The following TMOD2 variants were observed in gnomAD, a reference collection of about 807,000 sequenced individuals.
TMOD2 encodes the protein tropomodulin 2, also known as tropomodulin-2.
Under a neutral mutation model 39.9 loss-of-function variants are expected in TMOD2, and 22 were observed. The ratio of observed to expected loss-of-function variants is 0.55; its 90% confidence interval spans 0.39 to 0.79. The LOEUF is 0.79. Among genes scored for constraint, TMOD2 ranks in the 30% least tolerant of loss-of-function variants. TMOD2 has a pLI of 0.00. For missense variants in TMOD2, 386 were observed against 413.3 expected, an observed-to-expected ratio of 0.93 and a Z score of 0.57; for synonymous variants, 123 against 146.1, an observed-to-expected ratio of 0.84 and a Z score of 1.14.
intron 6 of TMOD2, among the ~76,000 whole-genome samples, chr15:51,781,819 A>T (rs1298394017): frequency 1.6e-5 from 2 of 123,198 alleles, no homozygotes; most frequent in Non-Finnish European, 3.6e-5. Context: ...AGAGAGAGAG[A>T]GAGAGTGTGT....
chr15:51,755,332 C>A (rs1232662132), intron 1 of TMOD2, among the ~76,000 whole-genome samples: 2 of 152,220 alleles, frequency 1.3e-5, no homozygotes, highest in African/African-American at 2.4e-5. Flanking sequence ...TGATTTCTTG[C>A]TATTTCTGCT....
chr15:51,798,356 G>A lies in TMOD2; in HGVS notation c.876+16G>A. On this transcript the variant is annotated intron_variant, in intron 8 of 9. Transcript: ENST00000249700. The stretch of plus-strand genomic sequence containing the variant: ...TGACAACCAGGTAAGGAAGGCCAGA[G>A]AATAGGCAAAGTCAACTCACAGGGT... The A allele has an allele frequency of 6.2e-7, 1 of 1,612,668 alleles. No individual in the cohort carries two copies.
At chr15:51,788,610 G>A (rs1417656426) in intron 7 of TMOD2, among the ~76,000 whole-genome samples, 2 of 152,176 alleles carry the variant, frequency 1.3e-5, no homozygotes, top group African/African-American at 4.8e-5. Context: ...AAAATGTTAA[G>A]GGCAGCCAGA....
At chr15:51,803,168 CTTTTTTTTTTT>C (rs771354231) in intron 8 of TMOD2, among the ~76,000 whole-genome samples, 8 of 95,228 alleles carry the variant, frequency 8.4e-5, no homozygotes, top group African/African-American at 3.1e-4. Flanking sequence ...TCTATATCTT[CTTTTTTTTTTT>C]TTTTTTTTTT....
chr15:51,803,857 C>T (rs1170380110), intron 8 of TMOD2, among the ~76,000 whole-genome samples: 1 of 152,166 alleles, frequency 6.6e-6, no homozygotes, highest in African/African-American at 2.4e-5. Context: ...TAAGAAAATT[C>T]ATTGTTCTTA....
intron 1 of TMOD2, among the ~76,000 whole-genome samples, chr15:51,762,479 T>C (rs2055788041): frequency 6.6e-6 from 1 of 152,176 alleles, no homozygotes; most frequent in African/African-American, 2.4e-5. Flanking sequence ...TAATAATTTT[T>C]ACTTTATTGA....
intron 7 of TMOD2, among the ~76,000 whole-genome samples, chr15:51,786,298 G>T (rs376268779): frequency 2.0e-5 from 3 of 152,052 alleles, no homozygotes; most frequent in African/African-American, 4.8e-5. Context: ...ACTGTGCCTG[G>T]GTGATGTTTT....
At chr15:51,797,261 C>A (rs530178705) in intron 7 of TMOD2, among the ~76,000 whole-genome samples, 64 of 152,256 alleles carry the variant, frequency 4.2e-4, no homozygotes, top group African/African-American at 1.5e-3. Context: ...TGTCACAGGT[C>A]GCAGCACCTT....
intron 4 of TMOD2, among the ~76,000 whole-genome samples, chr15:51,776,369 C>T (rs1776430986): frequency 6.6e-6 from 1 of 152,194 alleles, no homozygotes; most frequent in South Asian, 2.1e-4. Flanking sequence ...TGTGCTGCCT[C>T]CTGGTGCAAG....
rs1051495520 is a variant in TMOD2, at chr15:51,814,051, A to T, written c.*5597A>T. On this transcript the variant is annotated 3_prime_UTR_variant, in exon 10 of 10. Transcript: ENST00000249700. Reference sequence around the variant, plus strand: ...AGTGGAAGTTAGATACCAGCGATGTATATGGTAGGACATTTTCCTGGGTCA... The same window carrying T: ...AGTGGAAGTTAGATACCAGCGATGTTTATGGTAGGACATTTTCCTGGGTCA... 4 of 152,204 alleles carry T rather than the reference A, an allele frequency of 2.6e-5. No individual in the cohort carries two copies. The highest frequency in any genetic ancestry group is 9.7e-5 in the African/African-American group (4 of 41,414). 9.4% of individuals were successfully genotyped at this position (152,204 alleles called of 1,614,324 possible).
chr15:51,798,527 A>G (rs186460138), intron 8 of TMOD2, among the ~76,000 whole-genome samples, 187 bp downstream of exon 8: 110 of 152,306 alleles, frequency 7.2e-4, no homozygotes, highest in African/African-American at 2.5e-3. Context: ...TTACTAATCA[A>G]ACAATGTACA....
chr15:51,790,136 A>G (rs924545815), intron 7 of TMOD2, among the ~76,000 whole-genome samples: 7 of 152,218 alleles, frequency 4.6e-5, no homozygotes, highest in African/African-American at 1.7e-4. Context: ...AAAAGAGAGA[A>G]GAATCAAATA....
intron 1 of TMOD2, among the ~76,000 whole-genome samples, chr15:51,753,064 CAAG>C (rs1238556178): frequency 6.6e-6 from 1 of 152,064 alleles, no homozygotes; most frequent in Admixed American, 6.5e-5. Context: ...GAAGCCCCAG[CAAG>C]AAGTAACCAG....
intron 1 of TMOD2, among the ~76,000 whole-genome samples, chr15:51,753,812 G>A (rs984081412): frequency 1.3e-5 from 2 of 151,684 alleles, no homozygotes; most frequent in Non-Finnish European, 1.5e-5. Flanking sequence ...CGTAGCAAAT[G>A]TGGCAGAATG....
intron 1 of TMOD2, among the ~76,000 whole-genome samples, chr15:51,762,941 A>G (rs1057479643): frequency 7.2e-5 from 11 of 151,820 alleles, no homozygotes; most frequent in Non-Finnish European, 1.3e-4. Context: ...GTTTATTTTT[A>G]TTTATTTATT....
At chr15:51,789,660 C>T (rs2055996189) in intron 7 of TMOD2, among the ~76,000 whole-genome samples, 2 of 152,210 alleles carry the variant, frequency 1.3e-5, no homozygotes, top group African/African-American at 2.4e-5. Flanking sequence ...AACAAACTGT[C>T]TCTCAGACCA....
At chr15:51,753,279 A>T (rs562513309) in intron 1 of TMOD2, among the ~76,000 whole-genome samples, 1 of 152,334 alleles carries the variant, frequency 6.6e-6, no homozygotes, top group East Asian at 1.9e-4. Flanking sequence ...TATTATTTCA[A>T]AGTATCTCAC....
chr15:51,782,980 A>T, intron 7 of TMOD2, 152 bp downstream of exon 7: 1 of 626,360 alleles, frequency 1.6e-6, no homozygotes, highest in Non-Finnish European at 2.8e-6. Flanking sequence ...GCAATAGTTA[A>T]ACTTCAGAAC....
At chr15:51,772,283 A>T (rs923871388) in intron 3 of TMOD2, among the ~76,000 whole-genome samples, 22 of 152,288 alleles carry the variant, frequency 1.4e-4, no homozygotes, top group Non-Finnish European at 2.6e-4. Flanking sequence ...AATTTCAAAG[A>T]CTGTGCCCCA....
Sources: allele counts gnomAD v4.1 joint callset (sites outside exome capture counted in the v4.1 genomes callset), GRCh38; gene constraint gnomAD v4.1.1; transcripts MANE v1.5; gene names NCBI Gene and HGNC (gene_info 2026-07-23, HGNC 2026-07-21).